EFNB1: variants seen among roughly 807,000 people sequenced by gnomAD.
EFNB1 encodes ephrin-B1.
A neutral mutation model predicts 18.1 loss-of-function variants in EFNB1; 1 was observed. The ratio of observed to expected loss-of-function variants is 0.06; its 90% CI spans 0.02 to 0.26. EFNB1 has a LOEUF of 0.26. Among genes scored for constraint, EFNB1 ranks in the 10% least tolerant of loss-of-function variants. The probability of loss-of-function intolerance (pLI) is 1.00; values close to 1 mark genes in which losing one functional copy is unlikely to be tolerated. For synonymous variants in EFNB1, 131 were observed against 127.5 expected (o/e 1.03, Z -0.19); for missense variants, 221 against 301.8 (o/e 0.73, Z 1.98).
Position 68,841,830 on chromosome X carries a change from C to T in EFNB1, c.*1176C>T, listed in dbSNP as rs1457525732. ...CTTTGACCCCAGTTCCTTGCCAGCA[C>T]GGCTGCTAACAGACTGCCACTTGAG... On this transcript the variant is annotated 3_prime_UTR_variant, in exon 5 of 5. Coordinates refer to ENST00000204961, the MANE Select transcript of EFNB1 (RefSeq NM_004429.5). 8.8e-6 allele frequency: 1 copy of T among 113,056 alleles called. No homozygotes were observed. Among genetic ancestry groups the T allele is most frequent in the Non-Finnish European group, 1.9e-5 (1 of 53,308 alleles). 9.3% of individuals were successfully genotyped at this position (113,056 alleles called of 1,213,427 possible). A position where few individuals can be genotyped will look rare whatever the true frequency, so the allele number is the denominator to read the frequency against.
At chrX:68,832,003 G>A (rs2080446878) in intron 1 of EFNB1, among the ~76,000 whole-genome samples, 1 of 110,531 alleles carries the variant, frequency 9.0e-6, no homozygotes, top group Admixed American at 9.5e-5. Context: ...CAGGCTCAGG[G>A]GTCTGGAATG....
intron 1 of EFNB1, among the ~76,000 whole-genome samples, chrX:68,831,124 C>T (rs750934191): frequency 1.8e-5 from 2 of 111,359 alleles, no homozygotes; most frequent in African/African-American, 6.5e-5. Context: ...CATCCGTGAT[C>T]ACTGATTCCT....
At chrX:68,830,092 C>G (rs1247664000) in intron 1 of EFNB1, among the ~76,000 whole-genome samples, 188 bp downstream of exon 1, 1 of 111,081 alleles carries the variant, frequency 9.0e-6, no homozygotes, top group Non-Finnish European at 1.9e-5. Context: ...GGTAGGGGCA[C>G]TTGGCTGGGT....
chrX:68,838,957 G>C lies in EFNB1; in HGVS notation c.406+63G>C, dbSNP rs1469583476. The C allele has an allele frequency of 5.2e-6, 6 of 1,151,964 alleles. No individual in the cohort carries two copies. In the Admixed American group the frequency reaches 1.5e-4, roughly 29 times the overall value. The allele number at this position is 1,151,964 out of a possible 1,213,427, so 94.9% of individuals were successfully genotyped here. On this transcript the variant is annotated intron_variant, in intron 2 of 4. Coordinates refer to ENST00000204961, the MANE Select transcript of EFNB1 (RefSeq NM_004429.5). ...GGGCTTAACTCTTTCCTCTCCTGTA[G>C]TAGTGGGAGCTTCTAAGTGGTGCAA... is the stretch of plus-strand genomic sequence containing the variant.
Position 68,841,357 on chromosome X carries a change from C to CACACACACA in EFNB1, c.*703_*704insACACACACA, listed in dbSNP as rs1569398626. 7.0e-5 allele frequency: 2 copies of CACACACACA among 28,437 alleles called. No homozygotes were observed. The highest frequency in any genetic ancestry group is 3.2e-4 in the Admixed American group (1 of 3,167). The allele number at this position is 28,437 out of a possible 1,213,427, so 2.3% of individuals were successfully genotyped here. On this transcript the variant is annotated 3_prime_UTR_variant, in exon 5 of 5. Coordinates refer to ENST00000204961, the MANE Select transcript of EFNB1 (RefSeq NM_004429.5). ...CAATGGGGTAGTCACTGCCACCCTT[C>CACACACACA]CACACACACACACACACACACACAC...
At chrX:68,836,217 T>C (rs1403679081) in intron 1 of EFNB1, among the ~76,000 whole-genome samples, 3 of 111,766 alleles carry the variant, frequency 2.7e-5, no homozygotes, top group Non-Finnish European at 5.6e-5. Flanking sequence ...TGAGCAGTTG[T>C]CTAATCCTGC....
At chrX:68,830,533 T>C (rs2080442058) in intron 1 of EFNB1, among the ~76,000 whole-genome samples, 1 of 113,081 alleles carries the variant, frequency 8.8e-6, no homozygotes, top group Non-Finnish European at 1.9e-5. Flanking sequence ...CGGGCGCTGC[T>C]CCCAGGCTCA....
At chrX:68,832,535 CAAAAT>C (rs2080448751) in intron 1 of EFNB1, among the ~76,000 whole-genome samples, 1 of 111,297 alleles carries the variant, frequency 9.0e-6, no homozygotes, top group Non-Finnish European at 1.9e-5. Flanking sequence ...AAAAAAAAAT[CAAAAT>C]AAAAGAAGTG....
At chrX:68,829,983 G>T in intron 1 of EFNB1, 79 bp downstream of exon 1, 3 of 1,131,551 alleles carry the variant, frequency 2.7e-6, no homozygotes, top group Non-Finnish European at 2.4e-6. Context: ...GAGTGCATGT[G>T]GGGAGGTCTT....
At chrX:68,838,530 G>A (rs1453546564) in intron 1 of EFNB1, 87 bp from the exon 2 acceptor site, 1 of 1,124,637 alleles carries the variant, frequency 8.9e-7, no homozygotes, top group Non-Finnish European at 1.2e-6. Context: ...AGTAGGCCCA[G>A]CCCGGCTCTT....
At chrX:68,838,934 G>A in intron 2 of EFNB1, 40 bp downstream of exon 2, 3 of 1,175,416 alleles carry the variant, frequency 2.6e-6, no homozygotes, top group Non-Finnish European at 2.3e-6. Flanking sequence ...CTCTCCCTGG[G>A]CTTAACTCTT....
Position 68,840,597 on chromosome X carries a change from C to G in EFNB1, c.984C>G (p.Val328=). ...EKVSGDYGHP[V]YIVQEMPPQS... ...TGAGTGGGGACTACGGGCACCCTGTCTACATCGTCCAAGAGATGCCGCCCC... is the reference window on the plus strand; with the variant it reads ...TGAGTGGGGACTACGGGCACCCTGTGTACATCGTCCAAGAGATGCCGCCCC... Residue 328 remains valine, a synonymous_variant, in exon 5 of 5, where the codon GTC becomes GTG. Coordinates refer to ENST00000204961, the MANE Select transcript of EFNB1 (RefSeq NM_004429.5). 1 of 1,210,962 alleles carries G rather than the reference C, an allele frequency of 8.3e-7. No homozygotes were observed.
intron 3 of EFNB1, 85 bp from the exon 4 acceptor site, chrX:68,839,875 G>T: frequency 8.4e-7 from 1 of 1,195,056 alleles, no homozygotes; most frequent in East Asian, 3.0e-5. Flanking sequence ...ACAGTATCCA[G>T]GCCATTCTTG....
chrX:68,833,262 A>T (rs1390087774), intron 1 of EFNB1, among the ~76,000 whole-genome samples: 1 of 110,842 alleles, frequency 9.0e-6, no homozygotes, highest in Non-Finnish European at 1.9e-5. Context: ...GTGGTTAGGG[A>T]CCTGACCTCT....
At position 68,838,849 on chromosome X, in the gene EFNB1, T is replaced by C. The variant is rs2080469193; in HGVS notation, c.361T>C (p.Tyr121His). 8.3e-7 allele frequency: 1 copy of C among 1,202,112 alleles called. No individual in the cohort carries two copies. Among genetic ancestry groups the C allele is most frequent in the Non-Finnish European group, 1.1e-6 (1 of 891,097 alleles). The change falls in exon 2 of 5, where the codon TAC becomes CAC. Residue 121 changes from tyrosine (Y) to histidine (H), a missense_variant. Transcript: ENST00000204961. ...CAAGTTCCAGGAGTTCAGCCCCAAC[T>C]ACATGGGCCTGGAGTTCAAGAAGCA... ...TIKFQEFSPN[Y>H]MGLEFKKHHD...
At chrX:68,830,137 C>T (rs1414781574) in intron 1 of EFNB1, among the ~76,000 whole-genome samples, 1 of 111,463 alleles carries the variant, frequency 9.0e-6, no homozygotes, top group Non-Finnish European at 1.9e-5. Flanking sequence ...CCTGCCTCTG[C>T]ACGTCTTGGA....
intron 1 of EFNB1, among the ~76,000 whole-genome samples, chrX:68,835,233 G>T (rs976305894): frequency 3.6e-5 from 4 of 111,000 alleles, no homozygotes; most frequent in African/African-American, 1.3e-4. Flanking sequence ...GAGAGGGAAG[G>T]CCTCAGGGGT....
At chrX:68,831,435 C>G (rs775948075) in intron 1 of EFNB1, among the ~76,000 whole-genome samples, 1 of 111,924 alleles carries the variant, frequency 8.9e-6, no homozygotes, top group Non-Finnish European at 1.9e-5. Flanking sequence ...AAACGGGGTA[C>G]AACACTCTCC....
chrX:68,834,466 CAG>C (rs1416699895), intron 1 of EFNB1, among the ~76,000 whole-genome samples: 3 of 113,248 alleles, frequency 2.6e-5, no homozygotes, highest in African/African-American at 6.4e-5. Context: ...CTGCCTCTGA[CAG>C]AGCTGTGTGT....
Sources: allele counts gnomAD v4.1 joint callset (sites outside exome capture counted in the v4.1 genomes callset), GRCh38; gene constraint gnomAD v4.1.1; transcripts MANE v1.5; gene names NCBI Gene and HGNC (gene_info 2026-07-23, HGNC 2026-07-21).